The following LINGO2 variants were observed in gnomAD, a reference collection of about 807,000 sequenced individuals.
The protein encoded by LINGO2 is leucine-rich repeat and immunoglobulin-like domain-containing nogo receptor-interacting protein 2.
A neutral mutation model predicts 30.6 loss-of-function variants in LINGO2; 14 were observed. The observed-to-expected ratio is 0.46, with a 90% CI of 0.30 to 0.72. LINGO2 has a LOEUF of 0.72. LINGO2 is among the 30% of genes least tolerant of loss of function. The pLI is 0.07. For missense variants in LINGO2, 729 were observed against 751.7 expected (o/e 0.97, Z 0.35); for synonymous variants, 317 against 288.5 (o/e 1.10, Z -1.00).
chr9:28,419,763 A>G (rs1416279424), intron 2 of LINGO2, among the ~76,000 whole-genome samples: 2 of 152,044 alleles, frequency 1.3e-5, no homozygotes, highest in Non-Finnish European at 2.9e-5. Context: ...AATTTGCAAC[A>G]TTGCCAATAA....
At chr9:28,356,471 G>T (rs1029930247) in intron 3 of LINGO2, among the ~76,000 whole-genome samples, 17 of 152,052 alleles carry the variant, frequency 1.1e-4, no homozygotes, top group African/African-American at 4.1e-4. Context: ...TCACTCTGTT[G>T]GTCAGTAGCA....
chr9:28,711,510 C>G, the LINGO2 span, among the ~76,000 whole-genome samples: 1 of 152,120 alleles, frequency 6.6e-6, no homozygotes, highest in Non-Finnish European at 1.5e-5. Context: ...CCACCACACT[C>G]CCTGAACAGC....
At chr9:28,015,487 A>AC (rs1822782520) in intron 4 of LINGO2, among the ~76,000 whole-genome samples, 1 of 5,004 alleles carries the variant, frequency 2.0e-4, no homozygotes, top group African/African-American at 3.2e-4. Flanking sequence ...TTCAACGTTT[A>AC]AATAAGAAAA....
chr9:28,921,895 G>C, the LINGO2 span, among the ~76,000 whole-genome samples: 1 of 152,272 alleles, frequency 6.6e-6, no homozygotes, highest in East Asian at 1.9e-4. Context: ...TATTATCCTG[G>C]ATTCTTCCCT....
chr9:28,983,117 G>A, the LINGO2 span, among the ~76,000 whole-genome samples: 16 of 151,946 alleles, frequency 1.1e-4, no homozygotes, highest in African/African-American at 2.9e-4. Flanking sequence ...TAGACAAAAC[G>A]CTATCTGTGT....
the LINGO2 span, among the ~76,000 whole-genome samples, chr9:29,163,799 T>C: frequency 6.6e-6 from 1 of 152,126 alleles, no homozygotes; most frequent in African/African-American, 2.4e-5. Flanking sequence ...CTTAAAATAA[T>C]AGATTTTTTA....
chr9:28,645,152 A>T (rs73445528), intron 1 of LINGO2, among the ~76,000 whole-genome samples: 89 of 152,202 alleles, frequency 5.8e-4, no homozygotes, highest in African/African-American at 2.1e-3. Context: ...TATATACTAT[A>T]CCTTAATTCG....
chr9:28,238,991 C>A (rs907373042), intron 4 of LINGO2, among the ~76,000 whole-genome samples: 3 of 151,874 alleles, frequency 2.0e-5, no homozygotes, highest in Non-Finnish European at 4.4e-5. Flanking sequence ...TTCAAAGGAT[C>A]ATTAGTGGCT....
At chr9:28,465,506 A>G (rs1825263792) in intron 2 of LINGO2, among the ~76,000 whole-genome samples, 1 of 152,142 alleles carries the variant, frequency 6.6e-6, no homozygotes, top group Non-Finnish European at 1.5e-5. Context: ...TTGGGAAAAC[A>G]GGGAAGTGAA....
chr9:28,323,609 A>G (rs1825124027), intron 3 of LINGO2, among the ~76,000 whole-genome samples: 1 of 152,204 alleles, frequency 6.6e-6, no homozygotes, highest in Non-Finnish European at 1.5e-5. Context: ...CAATCAATCA[A>G]TAAAATAAGA....
intron 3 of LINGO2, among the ~76,000 whole-genome samples, chr9:28,371,305 C>CA (rs1284605263): frequency 6.6e-6 from 1 of 152,164 alleles, no homozygotes; most frequent in African/African-American, 2.4e-5. Context: ...GCTGCTTTAA[C>CA]AAAATACCAT....
chr9:28,484,912 A>G (rs1826112948), intron 1 of LINGO2, among the ~76,000 whole-genome samples: 1 of 152,080 alleles, frequency 6.6e-6, no homozygotes, highest in East Asian at 1.9e-4. Context: ...TCTCCAAAAT[A>G]TTGAACTCTT....
At chr9:28,185,103 C>T (rs949703011) in intron 4 of LINGO2, among the ~76,000 whole-genome samples, 2 of 152,154 alleles carry the variant, frequency 1.3e-5, no homozygotes, top group South Asian at 2.1e-4. Context: ...GTACCAGCTT[C>T]CCCAAAATAG....
At chr9:28,763,984 T>C in the LINGO2 span, among the ~76,000 whole-genome samples, 1 of 151,424 alleles carries the variant, frequency 6.6e-6, no homozygotes, top group South Asian at 2.1e-4. Flanking sequence ...AAATAGAAAG[T>C]CTGAATAGAC....
the LINGO2 span, among the ~76,000 whole-genome samples, chr9:29,011,291 G>A: frequency 6.6e-6 from 1 of 152,186 alleles, no homozygotes; most frequent in Non-Finnish European, 1.5e-5. Flanking sequence ...ATTTGTAGGT[G>A]AGTGAATACC....
At chr9:28,217,788 G>T (rs988408003) in intron 4 of LINGO2, among the ~76,000 whole-genome samples, 3 of 151,950 alleles carry the variant, frequency 2.0e-5, no homozygotes, top group Non-Finnish European at 4.4e-5. Context: ...ATGACTTCAT[G>T]AAATAGGAAC....
At chr9:28,347,710 G>C (rs1158679051) in intron 3 of LINGO2, among the ~76,000 whole-genome samples, 10 of 152,136 alleles carry the variant, frequency 6.6e-5, no homozygotes, top group Non-Finnish European at 1.3e-4. Context: ...CATTAAACAA[G>C]AATTTCTAGG....
intron 4 of LINGO2, among the ~76,000 whole-genome samples, chr9:28,109,848 A>G (rs928055469): frequency 6.6e-6 from 1 of 152,244 alleles, no homozygotes; most frequent in Non-Finnish European, 1.5e-5. Context: ...TGCTATTCCC[A>G]TCAAGCTACT....
At chr9:28,659,329 A>G (rs1828491471) in intron 1 of LINGO2, among the ~76,000 whole-genome samples, 1 of 152,194 alleles carries the variant, frequency 6.6e-6, no homozygotes, top group Non-Finnish European at 1.5e-5. Context: ...TAATGCCTGG[A>G]CGTATAGTAC....
Sources: gnomAD v4.1 joint callset for allele counts (sites outside exome capture counted in the v4.1 genomes callset) on GRCh38, gnomAD v4.1.1 for gene constraint, MANE v1.5 for transcripts, NCBI Gene and HGNC (gene_info 2026-07-23, HGNC 2026-07-21) for gene names.